KCNMA1: variants seen among roughly 807,000 people sequenced by gnomAD.
KCNMA1 encodes Calcium-activated potassium channel subunit alpha-1.
KCNMA1 carries 29 observed loss-of-function variants against 140.0 expected under a neutral mutation model. The observed-to-expected ratio is 0.21, with a 90% confidence interval of 0.15 to 0.28. KCNMA1 has a LOEUF of 0.28. Among genes scored for constraint, KCNMA1 ranks in the 10% least tolerant of loss-of-function variants. KCNMA1 has a pLI of 1.00. For missense variants in KCNMA1, 880 were observed against 1,602.2 expected (o/e 0.55, Z 7.70); for synonymous variants, 612 against 611.9 (o/e 1.00, Z 0.00).
intron 19 of KCNMA1, among the ~76,000 whole-genome samples, chr10:76,994,874 A>G (rs952099807): frequency 6.6e-6 from 1 of 152,302 alleles, no homozygotes; most frequent in East Asian, 1.9e-4. Context: ...AATGATGGGC[A>G]CCATATGAGA....
At chr10:77,626,785 A>G (rs2092585541) in intron 1 of KCNMA1, among the ~76,000 whole-genome samples, 1 of 152,100 alleles carries the variant, frequency 6.6e-6, no homozygotes, top group African/African-American at 2.4e-5. Flanking sequence ...GAAGAGCTAA[A>G]ATTTTCCAAA....
intron 2 of KCNMA1, among the ~76,000 whole-genome samples, chr10:77,382,986 GTGTGTGTGTATATATATATATATA>G (rs1268917782): frequency 8.6e-5 from 5 of 58,186 alleles, no homozygotes; most frequent in African/African-American, 1.6e-4. Context: ...GTGTGTGTGT[GTGTGTGTGTATATATATATATATA>G]TATATATATA....
chr10:76,920,162 T>C (rs2152506423), intron 23 of KCNMA1, among the ~76,000 whole-genome samples: 1 of 149,438 alleles, frequency 6.7e-6, no homozygotes, highest in East Asian at 2.0e-4. Context: ...CCCAAGTGCA[T>C]TGGAAAATGA....
intron 14 of KCNMA1, among the ~76,000 whole-genome samples, chr10:77,045,469 C>A (rs1251467273): frequency 1.3e-5 from 2 of 152,180 alleles, no homozygotes; most frequent in African/African-American, 4.8e-5. Context: ...AACTAGCTTG[C>A]CTACACCTCT....
intron 3 of KCNMA1, among the ~76,000 whole-genome samples, chr10:77,227,974 T>TC (rs1343852169): frequency 4.0e-5 from 6 of 151,288 alleles, no homozygotes; most frequent in African/African-American, 1.5e-4. Context: ...ATTTTTTTTT[T>TC]TTTTTTTGAG....
intron 29 of KCNMA1, among the ~76,000 whole-genome samples, chr10:76,879,162 C>G (rs539496527): frequency 5.2e-4 from 79 of 152,120 alleles, no homozygotes; most frequent in Non-Finnish European, 1.0e-4. Flanking sequence ...CAGTTCATGA[C>G]CACTCTGCTT....
chr10:77,007,653 G>GTATA (rs60937323), intron 18 of KCNMA1, among the ~76,000 whole-genome samples: 4,541 of 88,516 alleles, frequency 0.051, 426 homozygotes, highest in African/African-American at 0.19. Flanking sequence ...TTGTGTGTGT[G>GTATA]TATATATATA....
chr10:76,882,551 G>T (rs1163345684), downstream of KCNMA1, among the ~76,000 whole-genome samples: 1 of 152,114 alleles, frequency 6.6e-6, no homozygotes, highest in African/African-American at 2.4e-5. Context: ...ATTTCATAGA[G>T]ATACAAATTA....
chr10:76,931,510 GTTTTA>G (rs1254944000), intron 23 of KCNMA1, among the ~76,000 whole-genome samples: 1 of 145,234 alleles, frequency 6.9e-6, no homozygotes, highest in African/African-American at 2.6e-5. Flanking sequence ...CAAAATTACT[GTTTTA>G]AGAAAAAAAA....
intron 23 of KCNMA1, among the ~76,000 whole-genome samples, chr10:76,941,618 T>C (rs997996198): frequency 3.9e-5 from 6 of 152,180 alleles, no homozygotes; most frequent in African/African-American, 1.4e-4. Flanking sequence ...CCTAGAGCTT[T>C]GACACTCTCT....
chr10:77,091,024 G>A (rs769008523), intron 9 of KCNMA1: 8 of 178,238 alleles, frequency 4.5e-5, no homozygotes, highest in African/African-American at 7.1e-5. Context: ...GGCCTGACAC[G>A]TTATAGGTTC....
At chr10:77,627,150 G>A (rs16935161) in intron 1 of KCNMA1, among the ~76,000 whole-genome samples, 2,887 of 152,216 alleles carry the variant, frequency 0.019, 91 homozygotes, top group African/African-American at 0.066. Flanking sequence ...TCTAAGAAGC[G>A]GCTGTATTCA....
intron 2 of KCNMA1, among the ~76,000 whole-genome samples, chr10:77,335,843 C>T (rs1443310350): frequency 6.6e-6 from 1 of 152,172 alleles, no homozygotes. Flanking sequence ...AAGGAAGAAA[C>T]TCAAGCCCGG....
At chr10:77,210,052 G>A (rs2045532725) in intron 3 of KCNMA1, among the ~76,000 whole-genome samples, 1 of 151,974 alleles carries the variant, frequency 6.6e-6, no homozygotes, top group Non-Finnish European at 1.5e-5. Context: ...GCTCCTCCCT[G>A]ATGCATTCTA....
intron 13 of KCNMA1, among the ~76,000 whole-genome samples, chr10:77,076,736 A>G (rs898869146): frequency 9.2e-5 from 14 of 152,224 alleles, no homozygotes; most frequent in Admixed American, 6.5e-5. Flanking sequence ...TTAAAACCAT[A>G]AAATATGACA....
Position 77,427,847 on chromosome 10 carries a change from C to T in KCNMA1, c.379-23824G>A, listed in dbSNP as rs546103284. On this transcript the variant is annotated intron_variant, in intron 1 of 27. Transcript: ENST00000286628. ...TCACTGCTGCAACCTCCACCTCCCA[C>T]GTTCAAGCAATTCTCCTGCCTCAGC... Among the ~76,000 whole-genome samples, 13 of 151,964 alleles carry T rather than the reference C, an allele frequency of 8.6e-5. No homozygotes were observed. In the East Asian group the frequency reaches 2.3e-3, roughly 27 times the overall value.
intron 10 of KCNMA1, among the ~76,000 whole-genome samples, chr10:77,089,631 C>T (rs916829651): frequency 6.6e-6 from 1 of 152,184 alleles, no homozygotes; most frequent in African/African-American, 2.4e-5. Context: ...ATTTTTCAGG[C>T]TGATAGCTAA....
chr10:76,949,925 C>G (rs1425212592), intron 21 of KCNMA1, among the ~76,000 whole-genome samples: 1 of 152,004 alleles, frequency 6.6e-6, no homozygotes, highest in Non-Finnish European at 1.5e-5. Flanking sequence ...AAACTACGAC[C>G]CACAGGCCAA....
At chr10:76,926,346 T>A (rs183472027) in intron 23 of KCNMA1, among the ~76,000 whole-genome samples, 1 of 152,304 alleles carries the variant, frequency 6.6e-6, no homozygotes, top group African/African-American at 2.4e-5. Flanking sequence ...TGTGTCTCAG[T>A]TTCCTCATCT....
Sources: gnomAD v4.1 joint callset for allele counts (sites outside exome capture counted in the v4.1 genomes callset) on GRCh38, gnomAD v4.1.1 for gene constraint, MANE v1.5 for transcripts, NCBI Gene and HGNC (gene_info 2026-07-23, HGNC 2026-07-21) for gene names.